The following RAB3C variants were observed in gnomAD, a reference collection of about 807,000 sequenced individuals.
The protein encoded by RAB3C is RAB3C, member RAS oncogene family.
RAB3C carries 17 observed loss-of-function variants against 26.4 expected under a neutral mutation model. The observed-to-expected ratio is 0.64, with a 90% CI of 0.44 to 0.97. RAB3C has a LOEUF of 0.97. Among genes scored for constraint, RAB3C ranks in the 50% least tolerant of loss-of-function variants. RAB3C has a pLI of 0.00. For missense variants in RAB3C, 242 were observed against 281.9 expected (o/e 0.86, Z 1.01); for synonymous variants, 91 against 95.9 (o/e 0.95, Z 0.30).
At chr5:58,589,357 A>T (rs1182105482) in intron 1 of RAB3C, among the ~76,000 whole-genome samples, 2 of 152,112 alleles carry the variant, frequency 1.3e-5, no homozygotes, top group Non-Finnish European at 2.9e-5. Context: ...CATGATGGAT[A>T]TTGGGCTATG....
chr5:58,741,863 G>A (rs941998710), intron 3 of RAB3C: 2 of 151,984 alleles, frequency 1.3e-5, no homozygotes, highest in East Asian at 1.9e-4. Context: ...AAATTAGCAT[G>A]GTGTGGTAGC....
chr5:58,688,643 A>T (rs1443133348), intron 2 of RAB3C, among the ~76,000 whole-genome samples: 1 of 152,114 alleles, frequency 6.6e-6, no homozygotes, highest in African/African-American at 2.4e-5. Context: ...AGACCAGGAA[A>T]GATTTGTGTT....
chr5:58,646,729 C>G (rs897035507), intron 2 of RAB3C, among the ~76,000 whole-genome samples: 2 of 152,156 alleles, frequency 1.3e-5, no homozygotes, highest in African/African-American at 4.8e-5. Flanking sequence ...ATCACACTCT[C>G]TCACCACTTG....
chr5:58,608,553 G>A (rs1235624671), intron 1 of RAB3C, among the ~76,000 whole-genome samples: 2 of 152,196 alleles, frequency 1.3e-5, no homozygotes. Flanking sequence ...TGCTGGAGAG[G>A]ATGTGGAGAA....
At chr5:58,626,412 G>A (rs528397894) in intron 2 of RAB3C, among the ~76,000 whole-genome samples, 2 of 152,214 alleles carry the variant, frequency 1.3e-5, no homozygotes, top group East Asian at 3.9e-4. Flanking sequence ...TGTTTAATCT[G>A]CCTGAACACA....
intron 1 of RAB3C, among the ~76,000 whole-genome samples, chr5:58,597,142 T>TAG (rs1746323567): frequency 1.4e-5 from 1 of 69,274 alleles, no homozygotes; most frequent in African/African-American, 5.8e-5. Flanking sequence ...TATAATAATA[T>TAG]ATACTACATA....
At chr5:58,723,590 T>C (rs966319815) in intron 2 of RAB3C, among the ~76,000 whole-genome samples, 3 of 151,736 alleles carry the variant, frequency 2.0e-5, no homozygotes, top group African/African-American at 4.8e-5. Context: ...CTGCTGTTCA[T>C]GGTGGGGTGT....
intron 2 of RAB3C, among the ~76,000 whole-genome samples, chr5:58,718,327 C>T (rs1411833028): frequency 1.3e-5 from 2 of 152,060 alleles, no homozygotes; most frequent in Non-Finnish European, 2.9e-5. Flanking sequence ...GAGAGTTCCT[C>T]TGAGTGTTTA....
intron 3 of RAB3C, among the ~76,000 whole-genome samples, chr5:58,729,719 AAC>A (rs1469276945): frequency 6.8e-6 from 1 of 147,538 alleles, no homozygotes; most frequent in African/African-American, 2.5e-5. Context: ...TGTATATATA[AAC>A]ACAAAAAATA....
At chr5:58,582,402 G>A (rs1745917704), upstream of RAB3C, 1 of 985,310 alleles carries the variant, frequency 1.0e-6, no homozygotes, top group Admixed American at 6.1e-5. Context: ...TTGTAATGGA[G>A]CTGTATGGAA....
chr5:58,694,042 TA>T (rs1250096080), intron 2 of RAB3C, among the ~76,000 whole-genome samples: 1 of 152,146 alleles, frequency 6.6e-6, no homozygotes, highest in Non-Finnish European at 1.5e-5. Context: ...ATTAACTCAT[TA>T]TTGACATTAG....
chr5:58,799,954 C>T (rs1425899011), intron 3 of RAB3C, among the ~76,000 whole-genome samples: 1 of 152,204 alleles, frequency 6.6e-6, no homozygotes, highest in Non-Finnish European at 1.5e-5. Flanking sequence ...GACTCCCTTT[C>T]TTCAAAGACA....
At chr5:58,658,040 A>G (rs1034188563) in intron 2 of RAB3C, among the ~76,000 whole-genome samples, 1 of 152,228 alleles carries the variant, frequency 6.6e-6, no homozygotes, top group Non-Finnish European at 1.5e-5. Flanking sequence ...GGGACACTGT[A>G]TATCACTGCA....
intron 1 of RAB3C, among the ~76,000 whole-genome samples, chr5:58,602,150 C>A (rs867335226): frequency 1.3e-5 from 2 of 151,944 alleles, no homozygotes; most frequent in African/African-American, 4.8e-5. Flanking sequence ...CATGTATTTG[C>A]GTGGTTTTGA....
chr5:58,737,387 C>T (rs1741163538), intron 3 of RAB3C, among the ~76,000 whole-genome samples: 1 of 95,434 alleles, frequency 1.0e-5, no homozygotes, highest in Non-Finnish European at 2.0e-5. Context: ...CATTTATCAC[C>T]CTATGAAATA....
At chr5:58,607,741 A>G (rs1561264681) in intron 1 of RAB3C, among the ~76,000 whole-genome samples, 1 of 152,248 alleles carries the variant, frequency 6.6e-6, no homozygotes, top group Non-Finnish European at 1.5e-5. Flanking sequence ...AAGTGAGAAG[A>G]GAGTGGGGGC....
At chr5:58,658,523 G>T (rs1747829940) in intron 2 of RAB3C, among the ~76,000 whole-genome samples, 2 of 152,158 alleles carry the variant, frequency 1.3e-5, no homozygotes, top group South Asian at 2.1e-4. Flanking sequence ...ATTATGCCAT[G>T]GTTAATGAAA....
chr5:58,737,394 AATATATATATATATATATATATATAT>A (rs55691242), intron 3 of RAB3C, among the ~76,000 whole-genome samples: 7,200 of 38,290 alleles, frequency 0.19, 654 homozygotes, highest in East Asian at 0.41. Flanking sequence ...CACCCTATGA[AATATATATATATATATATATATATAT>A]ATATATATAT....
intron 4 of RAB3C, among the ~76,000 whole-genome samples, chr5:58,833,324 T>TCACACA (rs571940681): frequency 0.025 from 3,590 of 141,040 alleles, 70 homozygotes; most frequent in African/African-American, 0.043. Flanking sequence ...ACGGACCCCA[T>TCACACA]CACACACACA....
Sources: allele counts gnomAD v4.1 joint callset (sites outside exome capture counted in the v4.1 genomes callset), GRCh38; gene constraint gnomAD v4.1.1; transcripts MANE v1.5; gene names NCBI Gene and HGNC (gene_info 2026-07-23, HGNC 2026-07-21).